SLC26A8: variants seen among roughly 807,000 people sequenced by gnomAD.
SLC26A8 encodes solute carrier family 26 member 8, also known as testis anion transporter 1.
A neutral mutation model predicts 105.0 loss-of-function variants in SLC26A8; 70 were observed. The ratio of observed to expected loss-of-function variants is 0.67; its 90% CI spans 0.55 to 0.81. The LOEUF (loss-of-function observed/expected upper bound fraction) is 0.81, where lower values mean the gene tolerates loss of function less well. SLC26A8 is among the 40% of genes least tolerant of loss of function. The pLI is 0.00. For synonymous variants in SLC26A8, 415 were observed against 438.3 expected, an observed-to-expected ratio of 0.95 and a Z score of 0.66; for missense variants, 998 against 1,181.8, an observed-to-expected ratio of 0.84 and a Z score of 2.28.
rs145410404 is a variant in SLC26A8 at position 36,000,549 on chromosome 6, G to A, written c.329-441C>T. Among the ~76,000 whole-genome samples, 465 of 152,266 alleles carry A rather than the reference G, an allele frequency of 3.1e-3. 2 individuals are homozygous for A. Among genetic ancestry groups the A allele is most frequent in the African/African-American group, 0.01 (431 of 41,548 alleles). On this transcript the variant is annotated intron_variant, in intron 3 of 19. Coordinates refer to ENST00000490799, the MANE Select transcript of SLC26A8 (RefSeq NM_052961.4). ...ACTGACTTGAAGTTGGTATGTGTTG[G>A]TTCTCTTCCATAGGCCAATCACTCC...
rs1437441417 is a variant in SLC26A8, at chr6:35,991,738, A to G, written c.863T>C (p.Val288Ala). Residue 288 changes from valine (V) to alanine (A), a missense_variant, in exon 7 of 20, where the codon GTT becomes GCT. Transcript: ENST00000490799. ...STSILVFLTV[V>A]VALRINKCIR... is the part of the protein sequence containing the mutation. ...ACATTTGTTGATTCGCAGAGCAACAACAACAGTTAGAAATACTAGAATGCT... is the reference window on the plus strand; with the variant it reads ...ACATTTGTTGATTCGCAGAGCAACAGCAACAGTTAGAAATACTAGAATGCT... 1 of 1,608,622 alleles carries G rather than the reference A, an allele frequency of 6.2e-7. No homozygotes were observed.
At chr6:35,984,754 G>A (rs1773424939) in intron 7 of SLC26A8, among the ~76,000 whole-genome samples, 2 of 152,126 alleles carry the variant, frequency 1.3e-5, no homozygotes, top group African/African-American at 4.8e-5. Context: ...TCAAGGCTGT[G>A]TAAACCAAAA....
chr6:36,001,971 C>T (rs1430606670), intron 3 of SLC26A8, among the ~76,000 whole-genome samples: 1 of 152,176 alleles, frequency 6.6e-6, no homozygotes. Context: ...AAATTATTTG[C>T]TGTTACATGT....
At chr6:35,950,519 T>A (rs1771832407) in intron 19 of SLC26A8, among the ~76,000 whole-genome samples, 1 of 151,976 alleles carries the variant, frequency 6.6e-6, no homozygotes, top group South Asian at 2.1e-4. Context: ...ACTCCTGATC[T>A]CATGATCTAC....
At chr6:35,967,066 A>G (rs1397513019) in intron 11 of SLC26A8, among the ~76,000 whole-genome samples, 1 of 152,262 alleles carries the variant, frequency 6.6e-6, no homozygotes, top group African/African-American at 2.4e-5. Context: ...AAGGTGCTGT[A>G]GAAACTGAAT....
chr6:35,973,256 C>T (rs1391086911), intron 10 of SLC26A8, among the ~76,000 whole-genome samples: 1 of 152,210 alleles, frequency 6.6e-6, no homozygotes, highest in African/African-American at 2.4e-5. Context: ...CTCTCCAAGT[C>T]TCTTTGGAGT....
chr6:35,995,137 A>G (rs1186132030), intron 5 of SLC26A8, among the ~76,000 whole-genome samples: 1 of 152,232 alleles, frequency 6.6e-6, no homozygotes, highest in Non-Finnish European at 1.5e-5. Context: ...ATAGTGACAA[A>G]TATGTATCAC....
At chr6:35,998,555 CAAA>C (rs56714506) in intron 4 of SLC26A8, among the ~76,000 whole-genome samples, 4 of 118,906 alleles carry the variant, frequency 3.4e-5, no homozygotes, top group Admixed American at 9.0e-5. Flanking sequence ...AACTCCATCT[CAAA>C]AAAAAAAAAA....
intron 5 of SLC26A8, among the ~76,000 whole-genome samples, chr6:35,994,617 C>G (rs1407495018): frequency 6.6e-6 from 1 of 150,974 alleles, no homozygotes; most frequent in Admixed American, 6.6e-5. Context: ...GCTCTGTCAC[C>G]CAGGCTGGAG....
At chr6:35,949,199 T>TGGGGCGGGTAGATCATG (rs1771773804) in intron 19 of SLC26A8, among the ~76,000 whole-genome samples, 1 of 152,050 alleles carries the variant, frequency 6.6e-6, no homozygotes. Context: ...TTTGGGAGGC[T>TGGGGCGGGTAGATCATG]GGGGCGGGTA....
Position 35,951,174 on chromosome 6 carries a change from C to T in SLC26A8, c.2461G>A (p.Glu821Lys). ...SETVIRETYSETDKNDNSRYK... is the reference protein window; with the variant it reads ...SETVIRETYSKTDKNDNSRYK... ...TCGGTTTGTCTGACCTTGTCTGTTT[C>T]TGAGTAGGTTTCCCGTATCACTGTC... The change falls in exon 19 of 20, where the codon GAA becomes AAA. Residue 821 changes from glutamate to lysine, a missense_variant. By Grantham distance (56) the Glu-to-Lys change is moderately conservative. Coordinates refer to ENST00000490799, the MANE Select transcript of SLC26A8 (RefSeq NM_052961.4). 6.8e-7 allele frequency: 1 copy of T among 1,476,206 alleles called. No individual in the cohort carries two copies. 91.4% of individuals were successfully genotyped at this position (1,476,206 alleles called of 1,614,324 possible).
At chr6:35,956,717 C>T (rs908376186) in intron 16 of SLC26A8, among the ~76,000 whole-genome samples, 5 of 152,158 alleles carry the variant, frequency 3.3e-5, no homozygotes, top group Middle Eastern at 3.4e-3. Context: ...GTCAGGAGTT[C>T]GAGACCAGCC....
intron 10 of SLC26A8, chr6:35,969,596 C>CA (rs34494659): frequency 0.21 from 30,660 of 147,256 alleles, 3,432 homozygotes; most frequent in Middle Eastern, 0.31. Flanking sequence ...GACTCCATCT[C>CA]AAAAAAAAAA....
rs185743331 is a variant in SLC26A8 at position 35,952,875 on chromosome 6, G to T, written c.2233-1376C>A. Reference sequence around the variant, plus strand: ...CTAAAAATACAAAAATTATGCGGGTGTGGTGGTGTGCGCCTGTAGTCCCAG... The same window carrying T: ...CTAAAAATACAAAAATTATGCGGGTTTGGTGGTGTGCGCCTGTAGTCCCAG... On this transcript the variant is annotated intron_variant, in intron 17 of 19. Transcript: ENST00000490799. Among the ~76,000 whole-genome samples the T allele has an allele frequency of 7.2e-4, 109 of 152,116 alleles. 1 individual carries two copies. In the East Asian group the frequency reaches 0.019, roughly 26 times the overall value.
At chr6:35,989,986 G>A (rs1450465584) in intron 7 of SLC26A8, 2 of 118,746 alleles carry the variant, frequency 1.7e-5, no homozygotes, top group Non-Finnish European at 3.2e-5. Flanking sequence ...CACCCAAGCT[G>A]CAGTGCAGTG....
chr6:35,984,170 C>T (rs974073342), intron 7 of SLC26A8, among the ~76,000 whole-genome samples: 13 of 152,094 alleles, frequency 8.5e-5, no homozygotes, highest in African/African-American at 3.1e-4. Context: ...AGGTTAATGC[C>T]TAAATTGCAA....
chr6:36,019,928 T>C (rs1306622134), intron 1 of SLC26A8, among the ~76,000 whole-genome samples: 1 of 152,254 alleles, frequency 6.6e-6, no homozygotes, highest in African/African-American at 2.4e-5. Flanking sequence ...CAGTCTTTGC[T>C]GTTTGATACT....
rs760191866 is a variant in SLC26A8, at chr6:35,961,109, A to G, written c.1462-10T>C. On this transcript the variant is annotated splice_polypyrimidine_tract_variant and intron_variant, in intron 12 of 19. Transcript: ENST00000490799. Reference sequence around the variant, plus strand: ...TCATCATCCAAAGAGCCTTATGGAAAAGGGAATGAGGGGAAAATGATCATG... The same window carrying G: ...TCATCATCCAAAGAGCCTTATGGAAGAGGGAATGAGGGGAAAATGATCATG... 13 of 1,605,402 alleles carry G rather than the reference A, an allele frequency of 8.1e-6. No homozygotes were observed. In the Admixed American group the frequency reaches 2.2e-4, roughly 27 times the overall value.
At chr6:35,951,369 C>T (rs769718714) in intron 18 of SLC26A8, 22 bp from the exon 19 acceptor site, 1 of 1,614,104 alleles carries the variant, frequency 6.2e-7, no homozygotes, top group South Asian at 1.1e-5. Flanking sequence ...ACCCAGAACA[C>T]ACACAATGTC....
Sources: gnomAD v4.1 joint callset for allele counts (sites outside exome capture counted in the v4.1 genomes callset) on GRCh38, gnomAD v4.1.1 for gene constraint, MANE v1.5 for transcripts, NCBI Gene and HGNC (gene_info 2026-07-23, HGNC 2026-07-21) for gene names.